CYRIB: variants seen among roughly 807,000 people sequenced by gnomAD.
The protein encoded by CYRIB is CYFIP-related Rac1 interactor B.
CYRIB carries 8 observed loss-of-function variants against 44.2 expected under a neutral mutation model. That is an observed-to-expected ratio of 0.18 (90% confidence interval 0.11 to 0.33). CYRIB has a LOEUF of 0.33. Ranked by LOEUF, CYRIB falls within the 10% of genes least tolerant of loss-of-function variation. CYRIB has a pLI of 1.00. For synonymous variants in CYRIB, 131 were observed against 127.2 expected (o/e 1.03, Z -0.20); for missense variants, 185 against 382.8 (o/e 0.48, Z 4.31).
intron 1 of CYRIB, among the ~76,000 whole-genome samples, chr8:129,939,290 G>T (rs951551925): frequency 2.6e-5 from 4 of 151,414 alleles, no homozygotes; most frequent in Non-Finnish European, 5.9e-5. Flanking sequence ...AACGAGCCAG[G>T]AGTCACTGGC....
intron 1 of CYRIB, among the ~76,000 whole-genome samples, chr8:129,910,082 A>G (rs1275185475): frequency 6.6e-6 from 1 of 152,150 alleles, no homozygotes; most frequent in Non-Finnish European, 1.5e-5. Flanking sequence ...TCCTCACAGG[A>G]GCTCTCCAGA....
chr8:129,997,302 T>C (rs1228359411), intron 1 of CYRIB, among the ~76,000 whole-genome samples: 1 of 152,222 alleles, frequency 6.6e-6, no homozygotes, highest in African/African-American at 2.4e-5. Flanking sequence ...TTCACTGTCC[T>C]TTCAATATCC....
rs540509989 is a variant in CYRIB, at chr8:129,913,434, G to A, written c.-49-10084C>T. 2.3e-3 allele frequency among the ~76,000 whole-genome samples: 347 copies of A among 152,214 alleles called. 2 individuals are homozygous for A. The highest frequency in any genetic ancestry group is 0.02 in the Middle Eastern group (6 of 294). ...ATAGAAACATTTAAAATACATACAC[G>A]TGCATTCATTAGCTAATCCTTTTTT... is the stretch of plus-strand genomic sequence containing the variant. On this transcript the variant is annotated intron_variant, in intron 1 of 11. Transcript: ENST00000519824.
intron 1 of CYRIB, among the ~76,000 whole-genome samples, chr8:129,982,074 G>A (rs568340160): frequency 5.3e-5 from 8 of 152,194 alleles, no homozygotes; most frequent in Non-Finnish European, 1.2e-4. Flanking sequence ...ATTGGCCAGG[G>A]AATTTCCTAG....
intron 3 of CYRIB, among the ~76,000 whole-genome samples, chr8:129,877,666 G>A (rs2059576390): frequency 1.7e-5 from 1 of 58,868 alleles, no homozygotes; most frequent in Non-Finnish European, 4.3e-5. Flanking sequence ...AAAAAAAGGT[G>A]TGTGTGTGTG....
intron 1 of CYRIB, among the ~76,000 whole-genome samples, chr8:129,922,648 G>C (rs1224345777): frequency 2.6e-5 from 4 of 151,700 alleles, no homozygotes; most frequent in Non-Finnish European, 5.9e-5. Flanking sequence ...CGGATCACGA[G>C]GTCAGGAGAT....
chr8:129,915,148 A>C (rs1333998473), intron 1 of CYRIB, among the ~76,000 whole-genome samples: 1 of 152,238 alleles, frequency 6.6e-6, no homozygotes, highest in Non-Finnish European at 1.5e-5. Context: ...GTATTCATCC[A>C]AGAAAAATGA....
At chr8:129,963,845 T>C (rs992924465) in intron 2 of CYRIB, among the ~76,000 whole-genome samples, 1 of 152,246 alleles carries the variant, frequency 6.6e-6, no homozygotes, top group Non-Finnish European at 1.5e-5. Flanking sequence ...TCTTAAATAC[T>C]ACCCAGGTCA....
At chr8:129,960,125 G>A (rs540482695) in intron 2 of CYRIB, among the ~76,000 whole-genome samples, 93 of 152,224 alleles carry the variant, frequency 6.1e-4, no homozygotes, top group African/African-American at 2.1e-3. Context: ...ATACATCCTG[G>A]TGCATGGCTG....
intron 5 of CYRIB, among the ~76,000 whole-genome samples, chr8:129,861,289 T>C (rs145931835): frequency 6.6e-6 from 1 of 152,262 alleles, no homozygotes; most frequent in Non-Finnish European, 1.5e-5. Flanking sequence ...CCTCCTCCAA[T>C]AAAGGGAGTT....
At chr8:129,848,543 T>C (rs2041554780) in intron 10 of CYRIB, among the ~76,000 whole-genome samples, 1 of 152,108 alleles carries the variant, frequency 6.6e-6, no homozygotes, top group East Asian at 1.9e-4. Context: ...CATAAAGTCT[T>C]CATCTTTTTC....
chr8:129,937,508 C>G (rs1360136981), intron 1 of CYRIB, among the ~76,000 whole-genome samples: 3 of 152,136 alleles, frequency 2.0e-5, no homozygotes, highest in Non-Finnish European at 4.4e-5. Context: ...ACTAATTTAA[C>G]CTGTAAATTT....
intron 2 of CYRIB, among the ~76,000 whole-genome samples, chr8:129,898,885 T>C (rs2135508039): frequency 6.6e-6 from 1 of 152,164 alleles, no homozygotes; most frequent in East Asian, 1.9e-4. Context: ...TTTTTTTTTT[T>C]GGAGTCTCAC....
At chr8:129,855,504 C>A (rs1362213682) in intron 6 of CYRIB, 107 bp downstream of exon 8, 80 of 1,212,876 alleles carry the variant, frequency 6.6e-5, no homozygotes, top group Non-Finnish European at 9.3e-5. Context: ...TAAGGTCTAG[C>A]AGACATCATT....
intron 6 of CYRIB, 87 bp downstream of exon 8, chr8:129,855,524 T>G (rs1302647030): frequency 6.4e-6 from 9 of 1,401,774 alleles, no homozygotes; most frequent in Non-Finnish European, 8.0e-6. Context: ...TTAAATACAT[T>G]TTAACAATGT....
rs376503786 is a variant in CYRIB at position 130,015,611 on chromosome 8, A to G, written c.-296+759T>C. 1.2e-4 allele frequency among the ~76,000 whole-genome samples: 19 copies of G among 152,246 alleles called. No homozygotes were observed. In the East Asian group the frequency reaches 3.3e-3, roughly 26 times the overall value. ...AAGGCACACTCCAAGTAGCTCCAGC[A>G]TGGTAAGACCTCGATTCCTCCTTCG... is the stretch of plus-strand genomic sequence containing the variant. On this transcript the variant is annotated intron_variant, in intron 1 of 14. Transcript: ENST00000401979.
At chr8:129,899,052 C>T (rs969550617) in intron 2 of CYRIB, among the ~76,000 whole-genome samples, 3 of 151,966 alleles carry the variant, frequency 2.0e-5, no homozygotes, top group Non-Finnish European at 4.4e-5. Flanking sequence ...TTAGTAGAGA[C>T]GGGGTTTTGC....
upstream of CYRIB, among the ~76,000 whole-genome samples, chr8:129,943,128 C>G (rs2093857657): frequency 8.0e-6 from 1 of 125,470 alleles, no homozygotes; most frequent in Admixed American, 9.3e-5. Context: ...GGCTGAGGGT[C>G]TGGGAAGAAG....
rs568957867 is a variant in CYRIB, at chr8:130,006,452, AAAAAT to A, written c.-296+9913_-296+9917del. On this transcript the variant is annotated intron_variant, in intron 1 of 14. Transcript: ENST00000401979. Reference sequence around the variant, plus strand: ...GCAACGTAGCAAGACTCTCATCTCAAAAAATAAAATAAAATAAAATAAAATAAAAT... The same window carrying A: ...GCAACGTAGCAAGACTCTCATCTCAAAAAATAAAATAAAATAAAATAAAAT... Among the ~76,000 whole-genome samples, 435 of 146,446 alleles carry A rather than the reference AAAAAT, an allele frequency of 3.0e-3. 1 individual carries two copies. Among genetic ancestry groups the A allele is most frequent in the African/African-American group, 0.01 (407 of 39,308 alleles).
Sources: allele counts gnomAD v4.1 joint callset (sites outside exome capture counted in the v4.1 genomes callset), GRCh38; gene constraint gnomAD v4.1.1; transcripts MANE v1.5; gene names NCBI Gene and HGNC (gene_info 2026-07-23, HGNC 2026-07-21).